ABI2: variants seen among roughly 807,000 people sequenced by gnomAD.
ABI2 encodes abl interactor 2.
A neutral mutation model predicts 59.2 loss-of-function variants in ABI2; 25 were observed. The observed-to-expected ratio is 0.42, with a 90% CI of 0.31 to 0.59. ABI2 has a LOEUF of 0.59. Ranked by LOEUF, ABI2 falls within the 20% of genes least tolerant of loss-of-function variation. The pLI is 0.14. For missense variants in ABI2, 545 were observed against 681.8 expected (o/e 0.80, Z 2.23); for synonymous variants, 213 against 235.5 (o/e 0.90, Z 0.87).
intron 1 of ABI2, chr2:203,351,610 A>G: frequency 2.3e-6 from 1 of 433,284 alleles, no homozygotes; most frequent in Admixed American, 2.7e-5. Flanking sequence ...ATCATAGCTC[A>G]CTGCAGCCTT....
At chr2:203,386,512 T>A in intron 4 of ABI2, 1 of 678,502 alleles carries the variant, frequency 1.5e-6, no homozygotes, top group Non-Finnish European at 1.8e-6. Flanking sequence ...TTTTAAAACT[T>A]AACAAGTTTA....
intron 10 of ABI2, 141 bp from the exon 11 acceptor site, chr2:203,416,767 T>C (rs1366510750): frequency 2.3e-6 from 2 of 871,336 alleles, no homozygotes; most frequent in Non-Finnish European, 3.3e-6. Flanking sequence ...TGGGAAGACT[T>C]ATCTTGCTCA....
intron 1 of ABI2, among the ~76,000 whole-genome samples, chr2:203,331,876 C>T (rs2073867067): frequency 6.7e-6 from 1 of 149,062 alleles, no homozygotes; most frequent in Non-Finnish European, 1.5e-5. Context: ...GTGGCGCGAT[C>T]TCAGCTCACT....
At chr2:203,363,294 A>G (rs1294574224) in intron 1 of ABI2, among the ~76,000 whole-genome samples, 1 of 152,214 alleles carries the variant, frequency 6.6e-6, no homozygotes, top group East Asian at 1.9e-4. Context: ...TACCCTTTGT[A>G]TTATAAACAA....
intron 11 of ABI2, 132 bp from the exon 12 acceptor site, chr2:203,427,045 G>T: frequency 2.9e-6 from 2 of 684,132 alleles, no homozygotes; most frequent in Non-Finnish European, 4.9e-6. Context: ...TGTAAGTTTT[G>T]GTTGGTGTTT....
intron 5 of ABI2, among the ~76,000 whole-genome samples, chr2:203,392,211 T>A (rs2096768568): frequency 6.6e-6 from 1 of 152,120 alleles, no homozygotes; most frequent in Non-Finnish European, 1.5e-5. Context: ...ATTGGCTTTA[T>A]GATATATGCT....
At chr2:203,396,174 A>C (rs1205901119) in intron 7 of ABI2, among the ~76,000 whole-genome samples, 1 of 152,232 alleles carries the variant, frequency 6.6e-6, no homozygotes, top group Non-Finnish European at 1.5e-5. Flanking sequence ...CTGTATTGGA[A>C]TTTAGTAGTC....
chr2:203,345,057 G>A (rs527883807), intron 1 of ABI2, among the ~76,000 whole-genome samples: 2 of 152,126 alleles, frequency 1.3e-5, no homozygotes, highest in Non-Finnish European at 2.9e-5. Context: ...GCAACCCGCC[G>A]GGGTCCTCTT....
chr2:203,422,862 T>A (rs1301783217), intron 11 of ABI2, among the ~76,000 whole-genome samples: 1 of 152,220 alleles, frequency 6.6e-6, no homozygotes, highest in African/African-American at 2.4e-5. Context: ...AGTGTCCAGG[T>A]TAACTTTGCT....
At chr2:203,374,763 C>A (rs1453407040) in intron 2 of ABI2, 1 of 424,526 alleles carries the variant, frequency 2.4e-6, no homozygotes, top group South Asian at 1.6e-5. Flanking sequence ...AAAATTGAGA[C>A]ATATTTAAAA....
intron 11 of ABI2, among the ~76,000 whole-genome samples, chr2:203,419,948 A>G (rs1317534484): frequency 1.3e-5 from 2 of 152,192 alleles, no homozygotes; most frequent in Non-Finnish European, 2.9e-5. Context: ...AGATCGCCCC[A>G]TTGCACTCCA....
chr2:203,346,493 T>TA (rs1424374812), intron 1 of ABI2, among the ~76,000 whole-genome samples: 8 of 152,248 alleles, frequency 5.3e-5, no homozygotes, highest in African/African-American at 1.9e-4. Context: ...ATTTGAGAAA[T>TA]ACTGGTCTGT....
intron 1 of ABI2, among the ~76,000 whole-genome samples, chr2:203,333,254 C>A (rs2074794625): frequency 1.3e-5 from 2 of 152,138 alleles, no homozygotes; most frequent in South Asian, 4.1e-4. Flanking sequence ...GCCCGATCAT[C>A]TTGAATATAT....
intron 1 of ABI2, chr2:203,342,362 T>A: frequency 2.8e-6 from 1 of 352,772 alleles, no homozygotes; most frequent in Non-Finnish European, 5.6e-6. Flanking sequence ...TTCTTGATGT[T>A]ATGTGGCCTT....
In ABI2 at chr2:203,357,685, TA is replaced by T. The variant is rs368052468; in HGVS notation, c.118-9188del. ...CTGAAGCCAGTATATGTTAAATGAT[TA>T]AAAGGAACAATTTAAAGAATTTTAG... On this transcript the variant is annotated intron_variant, in intron 1 of 11. Coordinates refer to ENST00000261018, the MANE Select transcript of ABI2 (RefSeq NM_001375670.1). Among the ~76,000 whole-genome samples the T allele has an allele frequency of 5.1e-4, 78 of 152,352 alleles. 1 individual carries two copies. The East Asian group carries it at 0.014, about 27-fold the overall frequency.
intron 1 of ABI2, among the ~76,000 whole-genome samples, chr2:203,341,209 A>G (rs2079714417): frequency 6.6e-6 from 1 of 151,856 alleles, no homozygotes; most frequent in Non-Finnish European, 1.5e-5. Context: ...TGCTTTTTTT[A>G]CGCCTACATA....
intron 4 of ABI2, chr2:203,383,151 C>T (rs893059047): frequency 6.5e-6 from 1 of 154,664 alleles, no homozygotes; most frequent in African/African-American, 2.4e-5. Context: ...TTTGCCATAT[C>T]TTTAGTGTAG....
At chr2:203,392,317 A>ACCAC (rs1559313290) in intron 5 of ABI2, among the ~76,000 whole-genome samples, 1,173 of 108,548 alleles carry the variant, frequency 0.011, 11 homozygotes, top group East Asian at 0.029. Flanking sequence ...ACCACCACCA[A>ACCAC]CAACAACAAC....
At chr2:203,351,581 G>C in intron 1 of ABI2, 1 of 439,592 alleles carries the variant, frequency 2.3e-6, no homozygotes, top group Non-Finnish European at 4.5e-6. Flanking sequence ...TGTCATGCAG[G>C]CTGGAATGCA....
Sources: allele counts gnomAD v4.1 joint callset (sites outside exome capture counted in the v4.1 genomes callset), GRCh38; gene constraint gnomAD v4.1.1; transcripts MANE v1.5; gene names NCBI Gene and HGNC (gene_info 2026-07-23, HGNC 2026-07-21).